The following ETNPPL variants were observed in gnomAD, a reference collection of about 807,000 sequenced individuals.
The protein encoded by ETNPPL is alanine--glyoxylate aminotransferase 2-like 1.
Under a neutral mutation model 55.5 loss-of-function variants are expected in ETNPPL, and 30 were observed. The observed-to-expected ratio is 0.54, with a 90% CI of 0.40 to 0.73. The LOEUF (loss-of-function observed/expected upper bound fraction) is 0.73, where lower values mean the gene tolerates loss of function less well. Among genes scored for constraint, ETNPPL ranks in the 30% least tolerant of loss-of-function variants. ETNPPL has a pLI of 0.00. For synonymous variants in ETNPPL, 202 were observed against 207.2 expected (o/e 0.98, Z 0.21); for missense variants, 528 against 607.9 (o/e 0.87, Z 1.38).
At chr4:108,762,803 C>T (rs982390666) in intron 1 of ETNPPL, 40 bp downstream of exon 1, 9 of 1,609,048 alleles carry the variant, frequency 5.6e-6, no homozygotes, top group African/African-American at 1.3e-5. Context: ...CTCGTTATTG[C>T]CCCCTCTCTG....
intron 3 of ETNPPL, among the ~76,000 whole-genome samples, chr4:108,758,696 C>T (rs530178420): frequency 5.9e-5 from 9 of 152,352 alleles, no homozygotes; most frequent in African/African-American, 1.7e-4. Context: ...AGGGTCCCCA[C>T]GCTGACCCCG....
intron 9 of ETNPPL, among the ~76,000 whole-genome samples, chr4:108,747,053 G>C (rs1046070217): frequency 4.9e-5 from 7 of 144,284 alleles, no homozygotes; most frequent in African/African-American, 1.8e-4. Flanking sequence ...AATTATAAAA[G>C]AAAATGGCTT....
chr4:108,755,410 A>G (rs1729149256), intron 4 of ETNPPL, among the ~76,000 whole-genome samples: 2 of 128,182 alleles, frequency 1.6e-5, no homozygotes, highest in South Asian at 5.9e-4. Context: ...GAATTTATGA[A>G]TAAGTTCCCA....
chr4:108,751,958 A>G (rs1728932990), intron 6 of ETNPPL, among the ~76,000 whole-genome samples: 1 of 152,226 alleles, frequency 6.6e-6, no homozygotes. Flanking sequence ...TGTTAATGTA[A>G]ATTTTTTCCT....
chr4:108,753,797 A>AAAGAAAGAAAGAAAGAAAGG (rs1729050279), intron 5 of ETNPPL, among the ~76,000 whole-genome samples: 1 of 122,918 alleles, frequency 8.1e-6, no homozygotes, highest in Admixed American at 7.5e-5. Context: ...AGAAAGAAAG[A>AAAGAAAGAAAGAAAGAAAGG]AAGAAAGAAA....
At position 108,762,939 on chromosome 4, in the gene ETNPPL, G is replaced by T. The variant is rs1346020600; in HGVS notation, c.-41C>A. 1 of 1,595,492 alleles carries T rather than the reference G, an allele frequency of 6.3e-7. No individual in the cohort carries two copies. Among genetic ancestry groups the T allele is most frequent in the East Asian group, 2.2e-5 (1 of 44,720 alleles). ...GGCGCTGCGAAGGTGCAAGGTGCAA[G>T]GTCTGCGCGCCTCCTACGCGAGCCT... On this transcript the variant is annotated 5_prime_UTR_variant, in exon 1 of 13. Transcript: ENST00000296486.
intron 5 of ETNPPL, 118 bp from the exon 6 acceptor site, chr4:108,753,129 A>C (rs1171006633): frequency 1.6e-6 from 1 of 625,968 alleles, no homozygotes; most frequent in Non-Finnish European, 2.8e-6. Context: ...AAGATACTTT[A>C]GGTTTTTTTG....
chr4:108,760,515 G>T (rs147653065), intron 1 of ETNPPL, among the ~76,000 whole-genome samples: 5 of 152,206 alleles, frequency 3.3e-5, no homozygotes, highest in Admixed American at 2.6e-4. Context: ...CATTCCTTAT[G>T]CTTGTTATAT....
chr4:108,752,561 G>A (rs1212478442), intron 6 of ETNPPL, among the ~76,000 whole-genome samples: 4 of 152,102 alleles, frequency 2.6e-5, no homozygotes, highest in Non-Finnish European at 5.9e-5. Flanking sequence ...TGGTCCTCAG[G>A]TCCAAGGGCT....
chr4:108,762,842 C>T lies in ETNPPL; in HGVS notation c.56+1G>A, dbSNP rs768329534. 1 of 1,613,984 alleles carries T rather than the reference C, an allele frequency of 6.2e-7. No homozygotes were observed. The highest frequency in any genetic ancestry group is 1.7e-5 in the Admixed American group (1 of 60,016). On this transcript the variant is annotated splice_donor_variant, in intron 1 of 12. Transcript: ENST00000296486. LOFTEE classifies it high-confidence loss of function. ...TTACTTCCGGGCCAGGGTGCCCTTA[C>T]CCGATGTGCTTCTTCCTCAGCCCCA...
intron 4 of ETNPPL, among the ~76,000 whole-genome samples, chr4:108,756,215 TC>T (rs2125679874): frequency 6.6e-6 from 1 of 152,318 alleles, no homozygotes; most frequent in African/African-American, 2.4e-5. Context: ...CTCTCCTACT[TC>T]CTGGTACTTA....
Position 108,763,021 on chromosome 4 carries a change from C to G in ETNPPL, c.-123G>C, listed in dbSNP as rs2125685215. ...CTCCCGTTATCCCTCCTGGCGTTCT[C>G]TTGCCCGGGGCGTCGGAGGTCACCG... On this transcript the variant is annotated 5_prime_UTR_variant, in exon 1 of 13. Coordinates refer to ENST00000296486, the MANE Select transcript of ETNPPL (RefSeq NM_031279.4). 1 of 866,336 alleles carries G rather than the reference C, an allele frequency of 1.2e-6. No homozygotes were observed. 53.7% of individuals were successfully genotyped at this position (866,336 alleles called of 1,614,324 possible).
chr4:108,748,262 A>G, intron 8 of ETNPPL, 103 bp from the exon 9 acceptor site: 1 of 690,324 alleles, frequency 1.4e-6, no homozygotes, highest in Non-Finnish European at 2.3e-6. Flanking sequence ...TGAAGATATA[A>G]TTTAAATAAA....
chr4:108,758,709 G>T (rs1265168237), intron 3 of ETNPPL, among the ~76,000 whole-genome samples: 1 of 152,220 alleles, frequency 6.6e-6, no homozygotes, highest in East Asian at 1.9e-4. Flanking sequence ...TGACCCCGAG[G>T]CGCTGCTGGT....
chr4:108,759,697 A>G, intron 3 of ETNPPL, 52 bp downstream of exon 3: 1 of 1,565,676 alleles, frequency 6.4e-7, no homozygotes, highest in Non-Finnish European at 8.8e-7. Context: ...TGTGTGCAAG[A>G]GTAGACAAAG....
intron 11 of ETNPPL, 94 bp from the exon 12 acceptor site, chr4:108,743,950 A>G (rs1045762546): frequency 1.0e-5 from 8 of 780,562 alleles, no homozygotes; most frequent in Non-Finnish European, 1.5e-5. Context: ...TTAATGAAGA[A>G]TGGAAGGAAA....
chr4:108,745,052 A>G (rs761792567), intron 11 of ETNPPL, among the ~76,000 whole-genome samples: 1 of 152,150 alleles, frequency 6.6e-6, no homozygotes, highest in Non-Finnish European at 1.5e-5. Flanking sequence ...AAATATAACT[A>G]AAGCAAAAAC....
At position 108,743,781 on chromosome 4, in the gene ETNPPL, A is replaced by C; in HGVS notation, c.1371+8T>G. On this transcript the variant is annotated splice_region_variant and intron_variant, in intron 12 of 12. Transcript: ENST00000296486. ...TTTCCCCCTAAAAATAAAGTAGCCA[A>C]CCCTTACCTTTGTTTTGCATGGAGT... 1 of 1,595,372 alleles carries C rather than the reference A, an allele frequency of 6.3e-7. No homozygotes were observed. Among genetic ancestry groups the C allele is most frequent in the African/African-American group, 1.3e-5 (1 of 74,438 alleles).
At chr4:108,753,975 T>TTTC (rs1553934288) in intron 5 of ETNPPL, among the ~76,000 whole-genome samples, 2 of 135,958 alleles carry the variant, frequency 1.5e-5, no homozygotes, top group Non-Finnish European at 1.6e-5. Flanking sequence ...TTTCTTTTCT[T>TTTC]TTTTTTTTTT....
Sources: gnomAD v4.1 joint callset for allele counts (sites outside exome capture counted in the v4.1 genomes callset) on GRCh38, gnomAD v4.1.1 for gene constraint, MANE v1.5 for transcripts, NCBI Gene and HGNC (gene_info 2026-07-23, HGNC 2026-07-21) for gene names.